Variants in PCDH15 observed in about 807,000 individuals in gnomAD.
PCDH15 encodes the protein protocadherin related 15, also known as protocadherin-15.
Under a neutral mutation model 178.5 loss-of-function variants are expected in PCDH15, and 129 were observed. That is an observed-to-expected ratio of 0.72 (90% CI 0.63 to 0.84). The LOEUF is 0.84. Among genes scored for constraint, PCDH15 ranks in the 40% least tolerant of loss-of-function variants. PCDH15 has a pLI of 0.00. For synonymous variants in PCDH15, 800 were observed against 732.0 expected, an observed-to-expected ratio of 1.09 and a Z score of -1.50; for missense variants, 2,230 against 2,099.9, an observed-to-expected ratio of 1.06 and a Z score of -1.21.
At chr10:54,638,148 C>G (rs962892530) in intron 2 of PCDH15, among the ~76,000 whole-genome samples, 1 of 151,898 alleles carries the variant, frequency 6.6e-6, no homozygotes, top group Non-Finnish European at 1.5e-5. Context: ...TGCTTGAACC[C>G]TGATGACTGA....
chr10:55,338,049 A>G (rs1230045670), intron 2 of PCDH15, among the ~76,000 whole-genome samples: 1 of 152,152 alleles, frequency 6.6e-6, no homozygotes, highest in Admixed American at 6.6e-5. Context: ...AACTATATGG[A>G]AAAAAAGCTC....
At chr10:55,149,546 T>C (rs1020150697) in intron 2 of PCDH15, among the ~76,000 whole-genome samples, 1 of 152,068 alleles carries the variant, frequency 6.6e-6, no homozygotes, top group African/African-American at 2.4e-5. Flanking sequence ...TAGAAATCTA[T>C]GTTGACAGTG....
intron 2 of PCDH15, among the ~76,000 whole-genome samples, chr10:55,533,141 T>C (rs1293757886): frequency 6.6e-6 from 1 of 152,068 alleles, no homozygotes; most frequent in African/African-American, 2.4e-5. Flanking sequence ...GGGCAAAAGC[T>C]GAAAGCACTC....
chr10:54,264,056 G>A (rs556854985), intron 8 of PCDH15, among the ~76,000 whole-genome samples: 1 of 152,202 alleles, frequency 6.6e-6, no homozygotes, highest in East Asian at 1.9e-4. Context: ...GGGCTCTCAG[G>A]CCTTCAGTCA....
At chr10:55,271,993 A>C (rs540275951) in intron 1 of PCDH15, among the ~76,000 whole-genome samples, 1 of 152,276 alleles carries the variant, frequency 6.6e-6, no homozygotes, top group South Asian at 2.1e-4. Flanking sequence ...ATTTATCTAG[A>C]CTTATTATGC....
intron 6 of PCDH15, among the ~76,000 whole-genome samples, chr10:54,339,851 G>A (rs533305071): frequency 8.5e-5 from 13 of 152,104 alleles, no homozygotes; most frequent in African/African-American, 2.7e-4. Flanking sequence ...TCGTATTAGC[G>A]TGTTTTAGCC....
At chr10:54,343,574 G>A (rs1265081965) in intron 6 of PCDH15, among the ~76,000 whole-genome samples, 2 of 149,628 alleles carry the variant, frequency 1.3e-5, no homozygotes, top group Non-Finnish European at 3.0e-5. Context: ...TCCCAAACTT[G>A]TTGCTTCTTT....
At chr10:54,494,134 C>T (rs2079885142) in intron 3 of PCDH15, among the ~76,000 whole-genome samples, 1 of 151,296 alleles carries the variant, frequency 6.6e-6, no homozygotes, top group African/African-American at 2.4e-5. Context: ...ATACCTAATG[C>T]TAAATGACGA....
At chr10:54,954,311 T>A (rs1025083370) in intron 2 of PCDH15, among the ~76,000 whole-genome samples, 1 of 151,332 alleles carries the variant, frequency 6.6e-6, no homozygotes, top group Admixed American at 6.6e-5. Flanking sequence ...CCTTTCCTTC[T>A]GGGCTTTTTG....
At chr10:54,981,168 A>T (rs1839223568) in intron 2 of PCDH15, among the ~76,000 whole-genome samples, 1 of 152,134 alleles carries the variant, frequency 6.6e-6, no homozygotes, top group African/African-American at 2.4e-5. Context: ...CTCAAAACGA[A>T]TCTTCTTTAG....
chr10:54,976,068 T>A (rs147072834), intron 2 of PCDH15, among the ~76,000 whole-genome samples: 40 of 152,290 alleles, frequency 2.6e-4, no homozygotes, highest in Middle Eastern at 3.4e-3. Flanking sequence ...TTACCTGGAA[T>A]TGAGCAATCT....
intron 1 of PCDH15, among the ~76,000 whole-genome samples, chr10:54,702,455 T>A (rs2095318490): frequency 6.7e-6 from 1 of 148,846 alleles, no homozygotes; most frequent in African/African-American, 2.5e-5. Context: ...ATAAATAAGA[T>A]TGATAAGTAG....
chr10:55,017,191 A>G (rs796545675), intron 2 of PCDH15, among the ~76,000 whole-genome samples: 1 of 152,134 alleles, frequency 6.6e-6, no homozygotes, highest in African/African-American at 2.4e-5. Context: ...TAGTTCCTAC[A>G]AGTCAGCCAC....
chr10:54,100,369 A>G (rs1406259180), intron 15 of PCDH15, among the ~76,000 whole-genome samples: 2 of 152,130 alleles, frequency 1.3e-5, no homozygotes, highest in East Asian at 3.9e-4. Flanking sequence ...CGTCTCAAAA[A>G]AAAAAAAAAG....
At chr10:54,588,040 G>T in intron 2 of PCDH15, among the ~76,000 whole-genome samples, 2 of 152,080 alleles carry the variant, frequency 1.3e-5, no homozygotes, top group Admixed American at 6.6e-5. Flanking sequence ...ATTTATTCTT[G>T]ATTATTAAGA....
intron 2 of PCDH15, among the ~76,000 whole-genome samples, chr10:55,440,220 A>G (rs1839146778): frequency 6.6e-6 from 1 of 152,240 alleles, no homozygotes. Flanking sequence ...AAAATGGAAC[A>G]AAGTACGACA....
At chr10:55,596,356 G>T (rs1191676602) in intron 2 of PCDH15, among the ~76,000 whole-genome samples, 1 of 151,798 alleles carries the variant, frequency 6.6e-6, no homozygotes, top group Non-Finnish European at 1.5e-5. Context: ...TTTCAAACAG[G>T]GCTGAGTATA....
At chr10:55,100,581 G>A (rs1487734858) in intron 2 of PCDH15, among the ~76,000 whole-genome samples, 1 of 152,140 alleles carries the variant, frequency 6.6e-6, no homozygotes, top group African/African-American at 2.4e-5. Context: ...AGGGGAAGGG[G>A]AGCTACTGTG....
intron 3 of PCDH15, among the ~76,000 whole-genome samples, chr10:54,383,903 C>A (rs1336105606): frequency 6.6e-6 from 1 of 151,762 alleles, no homozygotes; most frequent in East Asian, 1.9e-4. Flanking sequence ...ACTGCAACCT[C>A]TGTTTCCTGG....
Sources: gnomAD v4.1 joint callset for allele counts (sites outside exome capture counted in the v4.1 genomes callset) on GRCh38, gnomAD v4.1.1 for gene constraint, MANE v1.5 for transcripts, NCBI Gene and HGNC (gene_info 2026-07-23, HGNC 2026-07-21) for gene names.